Variants in DLGAP2 observed in about 807,000 individuals in gnomAD.
DLGAP2 encodes disks large-associated protein 2.
Under a neutral mutation model 100.3 loss-of-function variants are expected in DLGAP2, and 26 were observed. That is an observed-to-expected ratio of 0.26 (90% CI 0.19 to 0.36). DLGAP2 has a LOEUF of 0.36. Ranked by LOEUF, DLGAP2 falls within the 10% of genes least tolerant of loss-of-function variation. The pLI is 1.00. For missense variants in DLGAP2, 1,858 were observed against 1,453.2 expected, an observed-to-expected ratio of 1.28 and a Z score of -4.53; for synonymous variants, 886 against 630.1, an observed-to-expected ratio of 1.41 and a Z score of -6.08.
intron 3 of DLGAP2, among the ~76,000 whole-genome samples, chr8:1,275,999 T>A (rs754052960): frequency 0.018 from 2,176 of 121,290 alleles, 30 homozygotes; most frequent in South Asian, 0.062. Context: ...ATAAATGTAA[T>A]ATATAAATAG....
intron 8 of DLGAP2, among the ~76,000 whole-genome samples, chr8:1,634,933 C>T (rs972862097): frequency 2.0e-5 from 3 of 152,066 alleles, no homozygotes; most frequent in Non-Finnish European, 4.4e-5. Flanking sequence ...AAAAAGATTC[C>T]ATTCAGAGTT....
chr8:1,141,358 A>C (rs1796519637), intron 2 of DLGAP2, among the ~76,000 whole-genome samples: 1 of 152,204 alleles, frequency 6.6e-6, no homozygotes, highest in South Asian at 2.1e-4. Context: ...ACCCAATTGG[A>C]CCTGATTTAT....
chr8:1,217,644 A>G (rs938391619), intron 2 of DLGAP2, among the ~76,000 whole-genome samples: 1 of 152,028 alleles, frequency 6.6e-6, no homozygotes. Flanking sequence ...TATTCCTAGG[A>G]ATTTTAACCT....
intron 1 of DLGAP2, among the ~76,000 whole-genome samples, chr8:832,086 T>A (rs899787256): frequency 7.2e-5 from 11 of 152,340 alleles, no homozygotes; most frequent in African/African-American, 2.2e-4. Context: ...AAAATTTGTT[T>A]AAGTTCCTTG....
Position 1,261,838 on chromosome 8 carries a change from T to A in DLGAP2, c.106+2955T>A, listed in dbSNP as rs568172332. Among the ~76,000 whole-genome samples the A allele has an allele frequency of 8.7e-4, 132 of 152,326 alleles. 1 individual carries two copies. The highest frequency in any genetic ancestry group is 3.1e-3 in the African/African-American group (130 of 41,584). ...GAGTGGAATCTGAAATCAGCCTTTT[T>A]GTTTGGTAATTTCTTCAGCAGCTTC... On this transcript the variant is annotated intron_variant, in intron 3 of 14. Coordinates refer to ENST00000637795, the MANE Select transcript of DLGAP2 (RefSeq NM_001346810.2).
At chr8:1,086,615 A>T (rs1288978792) in intron 2 of DLGAP2, among the ~76,000 whole-genome samples, 1 of 152,224 alleles carries the variant, frequency 6.6e-6, no homozygotes, top group Admixed American at 6.5e-5. Flanking sequence ...GAGTAGTTAC[A>T]TGAGACAAAA....
chr8:858,252 AG>A (rs1022450172), intron 1 of DLGAP2, among the ~76,000 whole-genome samples: 47 of 152,260 alleles, frequency 3.1e-4, no homozygotes, highest in African/African-American at 1.1e-3. Flanking sequence ...AGTGCTGAGA[AG>A]GAATGATCTA....
intron 2 of DLGAP2, among the ~76,000 whole-genome samples, chr8:1,246,044 A>G (rs770023566): frequency 6.6e-6 from 1 of 152,192 alleles, no homozygotes; most frequent in South Asian, 2.1e-4. Context: ...TGTTCCTGCT[A>G]TTTATGTACT....
At chr8:924,049 T>A (rs1327921777) in intron 2 of DLGAP2, among the ~76,000 whole-genome samples, 2 of 152,224 alleles carry the variant, frequency 1.3e-5, no homozygotes, top group Non-Finnish European at 2.9e-5. Context: ...ACAGCATCCA[T>A]TGCGTATTGA....
At chr8:1,260,565 G>A (rs1221123199) in intron 3 of DLGAP2, among the ~76,000 whole-genome samples, 3 of 151,898 alleles carry the variant, frequency 2.0e-5, no homozygotes, top group African/African-American at 4.8e-5. Context: ...ATGAAGGCTG[G>A]TAAATCACCC....
At position 1,610,161 on chromosome 8, in the gene DLGAP2, G is replaced by A. The variant is rs1294474117; in HGVS notation, c.1443-16579G>A. ...AAGTAAAGCTCTCCTCAGCAAATGT[G>A]AAAGAACAGAAATTATAACAAACTA... On this transcript the variant is annotated intron_variant, in intron 6 of 14. Coordinates refer to ENST00000637795, the MANE Select transcript of DLGAP2 (RefSeq NM_001346810.2). Among the ~76,000 whole-genome samples the A allele has an allele frequency of 6.8e-3, 1,032 of 151,858 alleles. 14 individuals are homozygous for A. The highest frequency in any genetic ancestry group is 0.023 in the African/African-American group (967 of 41,258).
chr8:1,216,510 C>G (rs11782425), intron 2 of DLGAP2, among the ~76,000 whole-genome samples: 8,852 of 150,562 alleles, frequency 0.059, 382 homozygotes, highest in African/African-American at 0.13. Context: ...TTTTTTTTTT[C>G]AATTTTTTTA....
At chr8:1,663,220 G>T (rs1798459304) in intron 8 of DLGAP2, among the ~76,000 whole-genome samples, 1 of 152,012 alleles carries the variant, frequency 6.6e-6, no homozygotes, top group African/African-American at 2.4e-5. Context: ...ACGTGTGAGT[G>T]TGGGGTGTGA....
intron 12 of DLGAP2, among the ~76,000 whole-genome samples, chr8:1,682,149 C>T (rs531483707): frequency 6.6e-6 from 1 of 152,240 alleles, no homozygotes; most frequent in Non-Finnish European, 1.5e-5. Flanking sequence ...CCCTTCACCT[C>T]ATTCTGGTCC....
chr8:1,637,691 G>C (rs958229706), intron 8 of DLGAP2, among the ~76,000 whole-genome samples: 3 of 152,212 alleles, frequency 2.0e-5, no homozygotes, highest in African/African-American at 7.2e-5. Flanking sequence ...CATTTATTAA[G>C]TGTTTGCTGT....
chr8:926,096 C>G (rs1798809117), intron 2 of DLGAP2, among the ~76,000 whole-genome samples: 1 of 152,172 alleles, frequency 6.6e-6, no homozygotes, highest in Non-Finnish European at 1.5e-5. Context: ...CTGGGCCTCG[C>G]TGACTTGGGA....
rs181872541 is a variant in DLGAP2 at position 1,623,827 on chromosome 8, G to A, written c.1443-2913G>A. Among the ~76,000 whole-genome samples, 52 of 152,350 alleles carry A rather than the reference G, an allele frequency of 3.4e-4. 1 individual carries two copies. Among genetic ancestry groups the A allele is most frequent in the African/African-American group, 9.4e-4 (39 of 41,590 alleles). On this transcript the variant is annotated intron_variant, in intron 6 of 14. Transcript: ENST00000637795. ...CAAAACACTTATTAGCATTTCTGGC[G>A]TAATCTTGCATAGAAAATGTTAGCT...
intron 2 of DLGAP2, among the ~76,000 whole-genome samples, chr8:1,204,582 A>T (rs74578004): frequency 4.6e-5 from 7 of 150,732 alleles, no homozygotes; most frequent in African/African-American, 1.5e-4. Context: ...ATGATGTGAT[A>T]GTTTGGGTAA....
At chr8:777,664 T>A (rs534199926) in intron 1 of DLGAP2, among the ~76,000 whole-genome samples, 3 of 152,316 alleles carry the variant, frequency 2.0e-5, no homozygotes, top group African/African-American at 7.2e-5. Flanking sequence ...TCTTTGAGAA[T>A]GTTGAATATT....
Sources: allele counts gnomAD v4.1 joint callset (sites outside exome capture counted in the v4.1 genomes callset), GRCh38; gene constraint gnomAD v4.1.1; transcripts MANE v1.5; gene names NCBI Gene and HGNC (gene_info 2026-07-23, HGNC 2026-07-21).